Variants in FOXC1 observed in about 807,000 individuals in gnomAD.
FOXC1 encodes forkhead box protein C1.
In FOXC1, 5 loss-of-function variants were observed where a neutral mutation model predicts 8.1. That is an observed-to-expected ratio of 0.62 (90% confidence interval 0.32 to 1.30). The LOEUF (loss-of-function observed/expected upper bound fraction) is 1.30. Among genes scored for constraint, FOXC1 ranks in the 50% most tolerant of loss-of-function variants. The pLI is 0.05. For missense variants in FOXC1, 942 were observed against 858.0 expected (o/e 1.10, Z -1.22); for synonymous variants, 552 against 417.2 (o/e 1.32, Z -3.94).
chr6:1,611,448 T>A lies in FOXC1; in HGVS notation c.1003T>A (p.Ser335Thr), dbSNP rs777196009. 2.2e-6 allele frequency: 3 copies of A among 1,388,360 alleles called. No homozygotes were observed. In the South Asian group the frequency reaches 4.5e-5, roughly 21 times the overall value. The allele number at this position is 1,388,360 out of a possible 1,614,324, so 86.0% of individuals were successfully genotyped here. A position where few individuals can be genotyped will look rare whatever the true frequency, so the allele number is the denominator to read the frequency against. The change falls in exon 1 of 1, where the codon TCG (serine) becomes ACG (threonine). Residue 335 changes from serine to threonine, a missense_variant. This residue lies in a region of FOXC1 where 726 missense variants were observed against 599.6 expected (regional missense o/e 1.21). Coordinates refer to ENST00000645831, the MANE Select transcript of FOXC1 (RefSeq NM_001453.3). The surrounding 1 kb of genome is among the most constrained non-coding windows in gnomAD (Gnocchi z 7.1). ...GGAGCTCAGCTCCGGCCTTCTGGCC[T>A]CGGCGGCCGCGTCCTCGCGCGCGGG... ...AAELSSGLLA[S>T]AAASSRAGIA... is the part of the protein sequence containing the mutation.
In FOXC1 at chr6:1,611,931, G is replaced by A. The variant is rs775345164; in HGVS notation, c.1486G>A (p.Gly496Ser). Residue 496 changes from glycine (G) to serine (S), a missense_variant, in exon 1 of 1, where the codon GGC (glycine) becomes AGC (serine). Gly to Ser is a moderately conservative substitution (Grantham distance 56). This residue lies in a region of FOXC1 where 726 missense variants were observed against 599.6 expected (regional missense o/e 1.21). Coordinates refer to ENST00000645831, the MANE Select transcript of FOXC1 (RefSeq NM_001453.3). The surrounding 1 kb of genome is among the most constrained non-coding windows in gnomAD (Gnocchi z 7.1). ...ASAAAAAAAA[G>S]YPGQQQNFHS... ...CGCGGCGGCGGCGGCGGCGGCCGCA[G>A]GCTACCCGGGCCAGCAGCAGAACTT... 1.3e-4 allele frequency: 201 copies of A among 1,571,656 alleles called. No homozygotes were observed. The highest frequency in any genetic ancestry group is 1.6e-4 in the Non-Finnish European group (180 of 1,158,512).
Position 1,610,599 on chromosome 6 carries a change from C to G in FOXC1, c.154C>G (p.His52Asp), listed in dbSNP as rs761549150. The G allele has an allele frequency of 3.1e-6, 5 of 1,607,916 alleles. 1 individual carries two copies. In the South Asian group the frequency reaches 5.5e-5, roughly 18 times the overall value. The change falls in exon 1 of 1, where the codon CAC becomes GAC. Residue 52 changes from histidine to aspartate, a missense_variant. His to Asp is a moderately conservative substitution (Grantham distance 81). Transcript: ENST00000645831. Reference protein sequence around the residue: ...APMSVYSHPAHAEQYPGGMAR... With the variant: ...APMSVYSHPADAEQYPGGMAR... ...CATGAGCGTGTACTCGCACCCTGCG[C>G]ACGCCGAGCAGTACCCGGGCGGCAT...
Position 1,613,455 on chromosome 6 carries a change from A to C in FOXC1, c.*1348A>C, listed in dbSNP as rs1312332569. 1 of 231,426 alleles carries C rather than the reference A, an allele frequency of 4.3e-6. No homozygotes were observed. The allele number at this position is 231,426 out of a possible 1,614,324, so 14.3% of individuals were successfully genotyped here. ...GAAAGGGATATTTAATCTTTGAGAA[A>C]CTATTTTAGAAAATATGTTTGTAGA... is the stretch of plus-strand genomic sequence containing the variant. On this transcript the variant is annotated 3_prime_UTR_variant, in exon 1 of 1. Transcript: ENST00000645831.
chr6:1,612,654 G>T lies in FOXC1; in HGVS notation c.*547G>T, dbSNP rs77607008. 4.4e-6 allele frequency: 1 copy of T among 229,474 alleles called. No homozygotes were observed. Among genetic ancestry groups the T allele is most frequent in the African/African-American group, 2.3e-5 (1 of 44,226 alleles). 14.2% of individuals were successfully genotyped at this position (229,474 alleles called of 1,614,324 possible). ...TGTAGTTGGATGTCGTGGACCAAAC[G>T]CCAGAAAGTGTTCCCAAAACCTGAC... is the stretch of plus-strand genomic sequence containing the variant. On this transcript the variant is annotated 3_prime_UTR_variant, in exon 1 of 1. Transcript: ENST00000645831.
rs1056318557 is a variant in FOXC1, at chr6:1,611,698, G to T, written c.1253G>T (p.Gly418Val). The T allele has an allele frequency of 6.3e-6, 9 of 1,431,870 alleles. No individual in the cohort carries two copies. The Admixed American group carries it at 2.3e-4, about 36-fold the overall frequency. 88.7% of individuals were successfully genotyped at this position (1,431,870 alleles called of 1,614,324 possible). A position where few individuals can be genotyped will look rare whatever the true frequency, so the allele number is the denominator to read the frequency against. ...GGCCACTTGCAGGGCGCGCCCGGGGGCGCGGGCGGCTCGGCCGTGGACGAC... is the reference window on the plus strand; with the variant it reads ...GGCCACTTGCAGGGCGCGCCCGGGGTCGCGGGCGGCTCGGCCGTGGACGAC... ...RGGHLQGAPG[G>V]AGGSAVDDPL... The change falls in exon 1 of 1, where the codon GGC (glycine) becomes GTC (valine). Residue 418 changes from glycine to valine, a missense_variant. This residue lies in a region of FOXC1 where 726 missense variants were observed against 599.6 expected (regional missense o/e 1.21). Transcript: ENST00000645831. The surrounding 1 kb of genome is among the most constrained non-coding windows in gnomAD (Gnocchi z 7.1).
Position 1,610,804 on chromosome 6 carries a change from A to C in FOXC1, c.359A>C (p.Gln120Pro), listed in dbSNP as rs1000269656. The C allele has an allele frequency of 1.2e-6, 2 of 1,613,946 alleles. No individual in the cohort carries two copies. The highest frequency in any genetic ancestry group is 1.7e-5 in the Admixed American group (1 of 60,006). Residue 120 changes from glutamine (Q) to proline (P), a missense_variant, in exon 1 of 1, where the codon CAG becomes CCG. Physicochemically the swap from Gln to Pro is moderately conservative, Grantham distance 76. This residue lies in a region of FOXC1 where 0 missense variants were observed against 16.1 expected (regional missense o/e 0.00). Coordinates refer to ENST00000645831, the MANE Select transcript of FOXC1 (RefSeq NM_001453.3). ...DRFPFYRDNKQGWQNSIRHNL... is the reference protein window; with the variant it reads ...DRFPFYRDNKPGWQNSIRHNL... ...TTCCCCTTCTACCGGGACAACAAGC[A>C]GGGCTGGCAGAACAGCATCCGCCAC...
chr6:1,613,813 G>C lies in FOXC1; in HGVS notation c.*1706G>C, dbSNP rs1762599929. The C allele has an allele frequency of 4.6e-6, 1 of 218,114 alleles. No individual in the cohort carries two copies. The highest frequency in any genetic ancestry group is 2.3e-5 in the African/African-American group (1 of 43,594). The allele number at this position is 218,114 out of a possible 1,614,324, so 13.5% of individuals were successfully genotyped here. A position where few individuals can be genotyped will look rare whatever the true frequency, so the allele number is the denominator to read the frequency against. On this transcript the variant is annotated 3_prime_UTR_variant, in exon 1 of 1. Coordinates refer to ENST00000645831, the MANE Select transcript of FOXC1 (RefSeq NM_001453.3). ...GCTCCTATCTAGAGGCAACACTTAA[G>C]CAGTAATTGCTGTTGCTTGTTGTCA...
rs1022099852 is a variant in FOXC1 at position 1,612,745 on chromosome 6, C to T, written c.*638C>T. 4.7e-6 allele frequency: 1 copy of T among 214,940 alleles called. No individual in the cohort carries two copies. The highest frequency in any genetic ancestry group is 1.0e-5 in the Non-Finnish European group (1 of 97,466). 13.3% of individuals were successfully genotyped at this position (214,940 alleles called of 1,614,324 possible). On this transcript the variant is annotated 3_prime_UTR_variant, in exon 1 of 1. Coordinates refer to ENST00000645831, the MANE Select transcript of FOXC1 (RefSeq NM_001453.3). The stretch of plus-strand genomic sequence containing the variant: ...TTATAAAAAGGGAAACTGTATTAAT[C>T]TTATTCTATCCTCTTTTCTTTCTTT...
rs916825230 is a variant in FOXC1, at chr6:1,613,511, TAAC to T, written c.*1407_*1409del. ...TATTTTTGAAAAAGATTTAAAGCAA[TAAC>T]AAGAAGGAAGGCGAGAGGAGCAGAA... is the stretch of plus-strand genomic sequence containing the variant. On this transcript the variant is annotated 3_prime_UTR_variant, in exon 1 of 1. Coordinates refer to ENST00000645831, the MANE Select transcript of FOXC1 (RefSeq NM_001453.3). 1.7e-5 allele frequency: 4 copies of T among 230,818 alleles called. No homozygotes were observed. The highest frequency in any genetic ancestry group is 7.0e-5 in the East Asian group (1 of 14,380). The allele number at this position is 230,818 out of a possible 1,614,324, so 14.3% of individuals were successfully genotyped here.
rs1438325732 is a variant in FOXC1 at position 1,611,105 on chromosome 6, C to T, written c.660C>T (p.Pro220=). Residue 220 remains proline (P), a synonymous_variant, in exon 1 of 1, where the codon CCC becomes CCT. Coordinates refer to ENST00000645831, the MANE Select transcript of FOXC1 (RefSeq NM_001453.3). The surrounding 1 kb of genome is among the most constrained non-coding windows in gnomAD (Gnocchi z 7.1). ...ACGCGCCCGGTCCGCAGCCGCCGCC[C>T]GTGCGCATCCAGGACATCAAGACCG... ...DGNAPGPQPP[P]VRIQDIKTEN... 2.2e-6 allele frequency: 3 copies of T among 1,379,036 alleles called. No homozygotes were observed. The highest frequency in any genetic ancestry group is 5.4e-5 in the Admixed American group (2 of 37,288). 85.4% of individuals were successfully genotyped at this position (1,379,036 alleles called of 1,614,324 possible).
Position 1,610,871 on chromosome 6 carries a change from C to G in FOXC1, c.426C>G (p.Asp142Glu). 3.7e-6 allele frequency: 6 copies of G among 1,614,046 alleles called. No homozygotes were observed. In the African/African-American group the frequency reaches 8.0e-5, roughly 22 times the overall value. Residue 142 changes from aspartate (D) to glutamate (E), a missense_variant, in exon 1 of 1, where the codon GAC becomes GAG. Around this residue, in one of 4 missense-constraint regions of FOXC1, gnomAD observed 26 missense variants for 65.5 expected, o/e 0.40. Transcript: ENST00000645831. ...LNECFVKVPR[D>E]DKKPGKGSYW... ...AGTGCTTCGTCAAGGTGCCGCGCGA[C>G]GACAAGAAGCCGGGCAAGGGCAGCT...
rs1303315105 is a variant in FOXC1 at position 1,613,458 on chromosome 6, A to G, written c.*1351A>G. 1 of 231,212 alleles carries G rather than the reference A, an allele frequency of 4.3e-6. No homozygotes were observed. Among genetic ancestry groups the G allele is most frequent in the Non-Finnish European group, 9.3e-6 (1 of 107,900 alleles). 14.3% of individuals were successfully genotyped at this position (231,212 alleles called of 1,614,324 possible). A position where few individuals can be genotyped will look rare whatever the true frequency, so the allele number is the denominator to read the frequency against. On this transcript the variant is annotated 3_prime_UTR_variant, in exon 1 of 1. Coordinates refer to ENST00000645831, the MANE Select transcript of FOXC1 (RefSeq NM_001453.3). ...AGGGATATTTAATCTTTGAGAAACT[A>G]TTTTAGAAAATATGTTTGTAGAACA...
At position 1,612,786 on chromosome 6, in the gene FOXC1, A is replaced by ATTGT. The variant is rs1487434632; in HGVS notation, c.*686_*689dup. 1 of 207,730 alleles carries ATTGT rather than the reference A, an allele frequency of 4.8e-6. No homozygotes were observed. Among genetic ancestry groups the ATTGT allele is most frequent in the Non-Finnish European group, 1.1e-5 (1 of 92,894 alleles). 12.9% of individuals were successfully genotyped at this position (207,730 alleles called of 1,614,324 possible). ...TTCTTTCTTTTTGTTGAACATATTCATTGTTTGTTTATTAATAAATTACCA... is the reference window on the plus strand; with the variant it reads ...TTCTTTCTTTTTGTTGAACATATTCATTGTTTGTTTGTTTATTAATAAATTACCA... On this transcript the variant is annotated 3_prime_UTR_variant, in exon 1 of 1. Coordinates refer to ENST00000645831, the MANE Select transcript of FOXC1 (RefSeq NM_001453.3).
chr6:1,612,371 A>G lies in FOXC1; in HGVS notation c.*264A>G, dbSNP rs1762573406. On this transcript the variant is annotated 3_prime_UTR_variant, in exon 1 of 1. Coordinates refer to ENST00000645831, the MANE Select transcript of FOXC1 (RefSeq NM_001453.3). The stretch of plus-strand genomic sequence containing the variant: ...AACAAACCCGTAAACTGTTTTATAC[A>G]GAGACAGCAAAATCTTGGTTTATTA... 1.7e-6 allele frequency: 1 copy of G among 594,566 alleles called. No individual in the cohort carries two copies. The highest frequency in any genetic ancestry group is 3.0e-6 in the Non-Finnish European group (1 of 329,606). 36.8% of individuals were successfully genotyped at this position (594,566 alleles called of 1,614,324 possible).
Position 1,610,492 on chromosome 6 carries a change from T to C in FOXC1, c.47T>C (p.Val16Ala). The part of the protein sequence containing the change: ...SVSSPNSLGV[V>A]PYLGGEQSYY... ...TCCAGCCCCAACTCCCTGGGAGTGG[T>C]GCCCTACCTCGGCGGCGAGCAGAGC... Residue 16 changes from valine (V) to alanine (A), a missense_variant, in exon 1 of 1, where the codon GTG (valine) becomes GCG (alanine). Physicochemically the swap from Val to Ala is moderately conservative, Grantham distance 64 (BLOSUM62 0). This residue lies in a region of FOXC1 where 190 missense variants were observed against 176.8 expected (regional missense o/e 1.07). Transcript: ENST00000645831. 6.7e-7 allele frequency: 1 copy of C among 1,500,344 alleles called. No individual in the cohort carries two copies. Among genetic ancestry groups the C allele is most frequent in the South Asian group, 1.3e-5 (1 of 75,482 alleles). The allele number at this position is 1,500,344 out of a possible 1,614,324, so 92.9% of individuals were successfully genotyped here. A position where few individuals can be genotyped will look rare whatever the true frequency, so the allele number is the denominator to read the frequency against.
Position 1,612,198 on chromosome 6 carries a change from C to T in FOXC1, c.*91C>T. Reference sequence around the variant, plus strand: ...AAAATCGAAACTAAAAAAAAAAAATCCAATTAAAAAAAACCCCTGAGAATA... The same window carrying T: ...AAAATCGAAACTAAAAAAAAAAAATTCAATTAAAAAAAACCCCTGAGAATA... On this transcript the variant is annotated 3_prime_UTR_variant, in exon 1 of 1. Transcript: ENST00000645831. 6.6e-7 allele frequency: 1 copy of T among 1,519,372 alleles called. No homozygotes were observed. Among genetic ancestry groups the T allele is most frequent in the South Asian group, 1.2e-5 (1 of 83,912 alleles). The allele number at this position is 1,519,372 out of a possible 1,614,324, so 94.1% of individuals were successfully genotyped here.
rs1762583705 is a variant in FOXC1 at position 1,613,021 on chromosome 6, C to CTATA, written c.*917_*920dup. 1 of 227,902 alleles carries CTATA rather than the reference C, an allele frequency of 4.4e-6. No individual in the cohort carries two copies. Among genetic ancestry groups the CTATA allele is most frequent in the Non-Finnish European group, 9.5e-6 (1 of 105,702 alleles). 14.1% of individuals were successfully genotyped at this position (227,902 alleles called of 1,614,324 possible). A position where few individuals can be genotyped will look rare whatever the true frequency, so the allele number is the denominator to read the frequency against. ...CCTGCAGCATCTTCTGCAAAATGTA[C>CTATA]TATATAGTCAGCTTGCTTTGAGGCT... On this transcript the variant is annotated 3_prime_UTR_variant, in exon 1 of 1. Transcript: ENST00000645831.
rs1242365822 is a variant in FOXC1, at chr6:1,611,436, G to A, written c.991G>A (p.Gly331Ser). The A allele has an allele frequency of 6.4e-6, 9 of 1,405,888 alleles. No homozygotes were observed. The highest frequency in any genetic ancestry group is 7.4e-6 in the Non-Finnish European group (8 of 1,081,194). 87.1% of individuals were successfully genotyped at this position (1,405,888 alleles called of 1,614,324 possible). The change falls in exon 1 of 1, where the codon GGC becomes AGC. Residue 331 changes from glycine (G) to serine (S), a missense_variant. Gly to Ser is a moderately conservative substitution (Grantham distance 56). Transcript: ENST00000645831. The surrounding 1 kb of genome is among the most constrained non-coding windows in gnomAD (Gnocchi z 7.1). ...GAGCGCGGCCGCGGAGCTCAGCTCCGGCCTTCTGGCCTCGGCGGCCGCGTC... is the reference window on the plus strand; with the variant it reads ...GAGCGCGGCCGCGGAGCTCAGCTCCAGCCTTCTGGCCTCGGCGGCCGCGTC... Reference protein sequence around the residue: ...PQSAAAELSSGLLASAAASSR... With the variant: ...PQSAAAELSSSLLASAAASSR...
In FOXC1 at chr6:1,610,684, C is replaced by T; in HGVS notation, c.239C>T (p.Pro80Leu). Residue 80 changes from proline (P) to leucine (L), a missense_variant, in exon 1 of 1, where the codon CCC (proline) becomes CTC (leucine). Pro to Leu is a moderately conservative substitution (Grantham distance 98). This residue lies in a region of FOXC1 where 190 missense variants were observed against 176.8 expected (regional missense o/e 1.07). Transcript: ENST00000645831. ...CAGCCCAAGGACATGGTGAAGCCGC[C>T]CTATAGCTACATCGCGCTCATCACC... is the stretch of plus-strand genomic sequence containing the variant. ...QPQPKDMVKP[P>L]YSYIALITMA... 1 of 1,613,848 alleles carries T rather than the reference C, an allele frequency of 6.2e-7. No individual in the cohort carries two copies. The highest frequency in any genetic ancestry group is 8.5e-7 in the Non-Finnish European group (1 of 1,179,988).
Sources: allele counts gnomAD v4.1 joint callset, GRCh38; gene constraint gnomAD v4.1.1; regional missense constraint gnomAD v4.1.1; non-coding constraint Gnocchi (gnomAD v3.1); transcripts MANE v1.5; gene names NCBI Gene and HGNC (gene_info 2026-07-23, HGNC 2026-07-21).